Variants in SEC23B observed in about 807,000 individuals in gnomAD.
SEC23B encodes SEC23 homolog B, COPII component.
In SEC23B, 77 loss-of-function variants were observed where a neutral mutation model predicts 104.3. The observed-to-expected ratio is 0.74, with a 90% confidence interval of 0.61 to 0.89. SEC23B has a LOEUF of 0.89. Among genes scored for constraint, SEC23B ranks in the 40% least tolerant of loss-of-function variants. SEC23B has a pLI of 0.00. For synonymous variants in SEC23B, 338 were observed against 332.5 expected, an observed-to-expected ratio of 1.02 and a Z score of -0.18; for missense variants, 885 against 949.4, an observed-to-expected ratio of 0.93 and a Z score of 0.89.
chr20:18,540,414 C>A (rs1320381486), intron 12 of SEC23B, among the ~76,000 whole-genome samples: 1 of 152,162 alleles, frequency 6.6e-6, no homozygotes, highest in Non-Finnish European at 1.5e-5. Context: ...CAACAGTGGG[C>A]TTTAAATATT....
In SEC23B at chr20:18,542,299, A is replaced by G; in HGVS notation, c.1408A>G (p.Asn470Asp). 1 of 1,614,118 alleles carries G rather than the reference A, an allele frequency of 6.2e-7. No homozygotes were observed. Among genetic ancestry groups the G allele is most frequent in the Non-Finnish European group, 8.5e-7 (1 of 1,179,998 alleles). ...GIYFEVVNQH[N>D]TPIPQGGRGA... The stretch of plus-strand genomic sequence containing the variant: ...GTTATGGCCTCTCATCCTACAGCAC[A>G]ACACCCCGATCCCCCAAGGAGGCAG... Residue 470 changes from asparagine (N) to aspartate (D), a missense_variant, in exon 13 of 20, where the codon AAC (asparagine) becomes GAC (aspartate). Asn to Asp is a conservative substitution (Grantham distance 23). Coordinates refer to ENST00000650089, the MANE Select transcript of SEC23B (RefSeq NM_006363.6).
intron 16 of SEC23B, among the ~76,000 whole-genome samples, chr20:18,550,779 C>T (rs1230633196): frequency 6.6e-6 from 1 of 151,444 alleles, no homozygotes; most frequent in Admixed American, 6.6e-5. Context: ...GAGCCAGGGT[C>T]ACATCACTTT....
rs1274529168 is a variant in SEC23B at position 18,512,334 on chromosome 20, T to G, written c.279+52T>G. ...TATATGTTTTATTTTAGTTGTATTA[T>G]GAAAAAAATTAAGTTAGGTTGAATT... On this transcript the variant is annotated intron_variant, in intron 3 of 19. Coordinates refer to ENST00000650089, the MANE Select transcript of SEC23B (RefSeq NM_006363.6). The G allele has an allele frequency of 2.5e-6, 3 of 1,201,388 alleles. No homozygotes were observed. In the African/African-American group the frequency reaches 4.6e-5, roughly 18 times the overall value. 74.4% of individuals were successfully genotyped at this position (1,201,388 alleles called of 1,614,324 possible). A position where few individuals can be genotyped will look rare whatever the true frequency, so the allele number is the denominator to read the frequency against.
intron 19 of SEC23B, among the ~76,000 whole-genome samples, chr20:18,555,739 G>A (rs2060431592): frequency 6.6e-6 from 1 of 151,998 alleles, no homozygotes; most frequent in Non-Finnish European, 1.5e-5. Flanking sequence ...GAGATCACCT[G>A]TATCTTTTAC....
In SEC23B at chr20:18,551,078, T is replaced by C. The variant is rs759506309; in HGVS notation, c.1906-11T>C. The C allele has an allele frequency of 1.3e-6, 2 of 1,585,340 alleles. No homozygotes were observed. The highest frequency in any genetic ancestry group is 1.1e-5 in the South Asian group (1 of 90,640). ...AAGACCAATGCCATCTTTCTCTCTC[T>C]TTTTCTTCAGCCAGTACTCTTGGAT... On this transcript the variant is annotated splice_polypyrimidine_tract_variant and intron_variant, in intron 16 of 19. Transcript: ENST00000650089.
At chr20:18,518,652 A>G (rs2148892098) in intron 4 of SEC23B, among the ~76,000 whole-genome samples, 1 of 134,368 alleles carries the variant, frequency 7.4e-6, no homozygotes, top group Admixed American at 8.8e-5. Flanking sequence ...ATAGGTGGAA[A>G]CTTCAGTGGG....
At chr20:18,552,548 T>G (rs2060397892) in intron 17 of SEC23B, among the ~76,000 whole-genome samples, 1 of 152,248 alleles carries the variant, frequency 6.6e-6, no homozygotes. Context: ...GTGTGGTAGT[T>G]CATGCCTGTA....
chr20:18,541,624 G>A (rs1209197946), intron 12 of SEC23B, among the ~76,000 whole-genome samples: 1 of 152,188 alleles, frequency 6.6e-6, no homozygotes, highest in Admixed American at 6.5e-5. Context: ...TCAGTCAGTG[G>A]AGCAACAGAA....
intron 12 of SEC23B, among the ~76,000 whole-genome samples, chr20:18,537,179 T>C (rs1308655514): frequency 6.6e-6 from 1 of 151,468 alleles, no homozygotes; most frequent in Non-Finnish European, 1.5e-5. Flanking sequence ...GAAGTCAGTG[T>C]GGCGATTCCT....
intron 15 of SEC23B, among the ~76,000 whole-genome samples, chr20:18,546,528 A>G (rs1174092375): frequency 8.6e-5 from 13 of 150,712 alleles, no homozygotes; most frequent in Non-Finnish European, 1.5e-5. Flanking sequence ...GCCATTGGAC[A>G]AGAGAGAGGA....
At chr20:18,547,877 C>T (rs911028360) in intron 15 of SEC23B, among the ~76,000 whole-genome samples, 1 of 152,144 alleles carries the variant, frequency 6.6e-6, no homozygotes, top group African/African-American at 2.4e-5. Flanking sequence ...CTTTGGCTTT[C>T]CTCTTAACTG....
At chr20:18,541,478 A>C (rs923244398) in intron 12 of SEC23B, among the ~76,000 whole-genome samples, 1 of 152,228 alleles carries the variant, frequency 6.6e-6, no homozygotes, top group African/African-American at 2.4e-5. Flanking sequence ...TTGATTTAAA[A>C]TGAGAGATGT....
chr20:18,555,275 TA>T (rs2060425911), intron 19 of SEC23B, 102 bp downstream of exon 19: 1 of 951,454 alleles, frequency 1.1e-6, no homozygotes. Context: ...GGAGACAGAA[TA>T]ACTGCGTAAG....
chr20:18,557,467 A>G (rs968223563), intron 19 of SEC23B, among the ~76,000 whole-genome samples: 2 of 152,044 alleles, frequency 1.3e-5, no homozygotes, highest in Non-Finnish European at 2.9e-5. Flanking sequence ...TCATATATGC[A>G]TAACTTATCA....
chr20:18,542,441 TGACA>T lies in SEC23B; in HGVS notation c.1511+40_1511+43del, dbSNP rs1460414702. The T allele has an allele frequency of 8.5e-6, 13 of 1,532,568 alleles. No homozygotes were observed. In the African/African-American group the frequency reaches 1.6e-4, roughly 19 times the overall value. 94.9% of individuals were successfully genotyped at this position (1,532,568 alleles called of 1,614,324 possible). ...GTTTCCTTTCTGTTGAGGAACTGACTGACATTTTTCCCTTGAAGAGATACTTTAA... is the reference window on the plus strand; with the variant it reads ...GTTTCCTTTCTGTTGAGGAACTGACTTTTTTCCCTTGAAGAGATACTTTAA... On this transcript the variant is annotated intron_variant, in intron 13 of 19. Coordinates refer to ENST00000650089, the MANE Select transcript of SEC23B (RefSeq NM_006363.6).
intron 19 of SEC23B, 38 bp from the exon 20 acceptor site, chr20:18,560,613 A>C: frequency 6.6e-7 from 1 of 1,514,366 alleles, no homozygotes; most frequent in Non-Finnish European, 9.2e-7. Context: ...ATCAGCTTCT[A>C]AGATATCTGC....
At chr20:18,538,499 C>T (rs972560350) in intron 12 of SEC23B, among the ~76,000 whole-genome samples, 3 of 152,116 alleles carry the variant, frequency 2.0e-5, no homozygotes, top group Middle Eastern at 3.4e-3. Context: ...GTGATCCGCA[C>T]GTCTCTGCCT....
intron 4 of SEC23B, among the ~76,000 whole-genome samples, chr20:18,516,999 A>C (rs956702777): frequency 3.3e-5 from 5 of 152,234 alleles, no homozygotes; most frequent in African/African-American, 1.2e-4. Context: ...TCACAATATT[A>C]AGTCTTACAA....
chr20:18,555,254 T>A, intron 19 of SEC23B, 81 bp downstream of exon 19: 1 of 1,194,760 alleles, frequency 8.4e-7, no homozygotes, highest in Non-Finnish European at 1.2e-6. Flanking sequence ...AAATTGGATC[T>A]CTTTTGGCCT....
Sources: allele counts gnomAD v4.1 joint callset (sites outside exome capture counted in the v4.1 genomes callset), GRCh38; gene constraint gnomAD v4.1.1; transcripts MANE v1.5; gene names NCBI Gene and HGNC (gene_info 2026-07-23, HGNC 2026-07-21).